RBFOX1: variants seen among roughly 807,000 people sequenced by gnomAD.
RBFOX1 encodes RNA binding fox-1 homolog 1.
RBFOX1 carries 8 observed loss-of-function variants against 57.7 expected under a neutral mutation model. The ratio of observed to expected loss-of-function variants is 0.14; its 90% CI spans 0.08 to 0.25. The LOEUF (loss-of-function observed/expected upper bound fraction) is 0.25, where lower values mean the gene tolerates loss of function less well. Among genes scored for constraint, RBFOX1 ranks in the 10% least tolerant of loss-of-function variants. The pLI is 1.00. For missense variants in RBFOX1, 611 were observed against 548.5 expected, an observed-to-expected ratio of 1.11 and a Z score of -1.14; for synonymous variants, 326 against 222.4, an observed-to-expected ratio of 1.47 and a Z score of -4.15.
intron 3 of RBFOX1, among the ~76,000 whole-genome samples, chr16:6,660,355 T>A (rs1489566134): frequency 6.6e-6 from 1 of 152,122 alleles, no homozygotes; most frequent in Non-Finnish European, 1.5e-5. Context: ...CGATTACTTA[T>A]ATAACAAACC....
intron 1 of RBFOX1, among the ~76,000 whole-genome samples, chr16:5,368,031 C>T (rs1377096889): frequency 6.6e-6 from 1 of 152,170 alleles, no homozygotes; most frequent in Non-Finnish European, 1.5e-5. Flanking sequence ...CATTAAGTGG[C>T]AAGGTGGCCA....
At chr16:5,283,315 G>T (rs559904154) in intron 1 of RBFOX1, among the ~76,000 whole-genome samples, 1 of 152,308 alleles carries the variant, frequency 6.6e-6, no homozygotes, top group African/African-American at 2.4e-5. Flanking sequence ...CCCCCACATA[G>T]AGTCCCTACT....
chr16:6,262,046 A>G (rs2097704744), intron 1 of RBFOX1, among the ~76,000 whole-genome samples: 1 of 151,992 alleles, frequency 6.6e-6, no homozygotes, highest in African/African-American at 2.4e-5. Context: ...CAAAAAAAAA[A>G]GAAAGAAAGA....
chr16:6,921,220 C>G (rs1026936484), intron 3 of RBFOX1, among the ~76,000 whole-genome samples: 2 of 152,184 alleles, frequency 1.3e-5, no homozygotes, highest in African/African-American at 4.8e-5. Context: ...TACCCACACA[C>G]ATTTAGCAAT....
chr16:7,202,440 T>C (rs2088811629), intron 4 of RBFOX1, among the ~76,000 whole-genome samples: 1 of 152,066 alleles, frequency 6.6e-6, no homozygotes, highest in South Asian at 2.1e-4. Context: ...TAATTAAAAA[T>C]AGAACTGCCA....
chr16:6,624,917 C>A (rs940349947), intron 2 of RBFOX1, among the ~76,000 whole-genome samples: 8 of 152,136 alleles, frequency 5.3e-5, no homozygotes, highest in African/African-American at 1.9e-4. Context: ...AATCCCAGCA[C>A]TTTGGTCGAG....
chr16:6,961,437 C>T (rs909935036), intron 3 of RBFOX1, among the ~76,000 whole-genome samples: 1 of 152,158 alleles, frequency 6.6e-6, no homozygotes, highest in African/African-American at 2.4e-5. Context: ...AAGATTGTTG[C>T]TTTTGTTATC....
chr16:6,776,191 C>T (rs1006945637), intron 3 of RBFOX1, among the ~76,000 whole-genome samples: 1 of 151,996 alleles, frequency 6.6e-6, no homozygotes, highest in African/African-American at 2.4e-5. Flanking sequence ...GCAGACAGAT[C>T]ACTAGGTCGG....
chr16:6,221,473 G>A (rs559427950), intron 1 of RBFOX1, among the ~76,000 whole-genome samples: 75 of 152,284 alleles, frequency 4.9e-4, no homozygotes, highest in South Asian at 6.2e-4. Flanking sequence ...CAAAACAAAA[G>A]CCACATATTT....
Position 6,819,737 on chromosome 16 carries a change from A to C in RBFOX1, c.-16+165087A>C, listed in dbSNP as rs549974505. On this transcript the variant is annotated intron_variant, in intron 3 of 15. Coordinates refer to ENST00000550418, the MANE Select transcript of RBFOX1 (RefSeq NM_018723.4). Reference sequence around the variant, plus strand: ...AAAAAAAAAAAAAAAAAAAATAACAACACCAAAAGGTATATAGTATAACAG... The same window carrying C: ...AAAAAAAAAAAAAAAAAAAATAACACCACCAAAAGGTATATAGTATAACAG... Among the ~76,000 whole-genome samples the C allele has an allele frequency of 7.5e-5, 10 of 134,144 alleles. 1 individual carries two copies. In the South Asian group the frequency reaches 1.7e-3, roughly 23 times the overall value. 88.0% of individuals were successfully genotyped at this position (134,144 alleles called of 152,430 possible).
At chr16:6,918,637 A>T (rs2073791717) in intron 3 of RBFOX1, among the ~76,000 whole-genome samples, 1 of 152,150 alleles carries the variant, frequency 6.6e-6, no homozygotes, top group Non-Finnish European at 1.5e-5. Context: ...TCTCAGTGAA[A>T]ATGTGGTTGC....
At chr16:6,534,321 C>G (rs1225163354) in intron 2 of RBFOX1, among the ~76,000 whole-genome samples, 1 of 151,942 alleles carries the variant, frequency 6.6e-6, no homozygotes, top group Non-Finnish European at 1.5e-5. Context: ...GAGAAGTTAT[C>G]CACCAAAGAG....
rs575705780 is a variant in RBFOX1 at position 6,360,720 on chromosome 16, G to A, written c.-64+43663G>A. Among the ~76,000 whole-genome samples, 29 of 152,272 alleles carry A rather than the reference G, an allele frequency of 1.9e-4. No individual in the cohort carries two copies. In the South Asian group the frequency reaches 5.0e-3, roughly 26 times the overall value. ...TTCATTGACCCATCTTATGTTTTGC[G>A]AATGTATGCTCGAATGTTAAGAAGC... On this transcript the variant is annotated intron_variant, in intron 2 of 15. Transcript: ENST00000550418.
intron 7 of RBFOX1, among the ~76,000 whole-genome samples, chr16:7,594,990 T>G (rs1413745221): frequency 1.3e-5 from 2 of 152,204 alleles, no homozygotes; most frequent in African/African-American, 4.8e-5. Flanking sequence ...TTTAGGCTTT[T>G]AAGTTTTATT....
chr16:6,245,340 G>T (rs2097563338), intron 1 of RBFOX1, among the ~76,000 whole-genome samples: 1 of 152,068 alleles, frequency 6.6e-6, no homozygotes, highest in African/African-American at 2.4e-5. Context: ...TTTCCTTGAG[G>T]ATATTGATAA....
At chr16:5,975,409 A>G (rs987366967) in intron 4 of RBFOX1, among the ~76,000 whole-genome samples, 2 of 152,214 alleles carry the variant, frequency 1.3e-5, no homozygotes, top group Admixed American at 6.5e-5. Context: ...CCTGGCTGCT[A>G]CATTACTCAA....
intron 4 of RBFOX1, among the ~76,000 whole-genome samples, chr16:7,406,169 G>A (rs566974578): frequency 6.6e-6 from 1 of 152,258 alleles, no homozygotes; most frequent in South Asian, 2.1e-4. Flanking sequence ...GGTTTTTCCA[G>A]AAAACCTCAT....
At chr16:6,828,351 C>T (rs545008827) in intron 3 of RBFOX1, among the ~76,000 whole-genome samples, 1 of 151,926 alleles carries the variant, frequency 6.6e-6, no homozygotes, top group East Asian at 1.9e-4. Context: ...TGATGAAACC[C>T]CATCTCTACT....
At chr16:6,146,269 C>T (rs543972875) in intron 1 of RBFOX1, among the ~76,000 whole-genome samples, 42 of 152,262 alleles carry the variant, frequency 2.8e-4, no homozygotes, top group South Asian at 1.5e-3. Flanking sequence ...TAGGAATCCA[C>T]GCTTCTTTTT....
Sources: gnomAD v4.1 joint callset for allele counts (sites outside exome capture counted in the v4.1 genomes callset) on GRCh38, gnomAD v4.1.1 for gene constraint, MANE v1.5 for transcripts, NCBI Gene and HGNC (gene_info 2026-07-23, HGNC 2026-07-21) for gene names.